ARID1B: variants seen among roughly 807,000 people sequenced by gnomAD.
The protein encoded by ARID1B is AT-rich interactive domain-containing protein 1B.
In ARID1B, 30 loss-of-function variants were observed where a neutral mutation model predicts 212.3. The observed-to-expected ratio is 0.14, with a 90% CI of 0.11 to 0.19. ARID1B has a LOEUF of 0.19. Among genes scored for constraint, ARID1B ranks in the 10% least tolerant of loss-of-function variants. The pLI is 1.00. For synonymous variants in ARID1B, 1,402 were observed against 1,301.7 expected, an observed-to-expected ratio of 1.08 and a Z score of -1.66; for missense variants, 2,891 against 3,204.0, an observed-to-expected ratio of 0.90 and a Z score of 2.36.
At chr6:157,106,792 G>A (rs569665745) in intron 5 of ARID1B, among the ~76,000 whole-genome samples, 2 of 152,300 alleles carry the variant, frequency 1.3e-5, no homozygotes, top group South Asian at 4.1e-4. Context: ...GCCACAGTGA[G>A]TGAAGAGAAA....
At chr6:157,173,916 C>A in intron 9 of ARID1B, 92 bp from the exon 10 acceptor site, 1 of 1,035,820 alleles carries the variant, frequency 9.7e-7, no homozygotes, top group Non-Finnish European at 1.5e-6. Context: ...AATGCAAGGG[C>A]CTCCTGCTTC....
intron 4 of ARID1B, among the ~76,000 whole-genome samples, chr6:157,060,666 T>C (rs1783286752): frequency 6.7e-6 from 1 of 149,736 alleles, no homozygotes; most frequent in Non-Finnish European, 1.5e-5. Flanking sequence ...TACTATTCTT[T>C]CATTGTCTCA....
At chr6:156,796,121 C>G (rs1780356258) in intron 1 of ARID1B, among the ~76,000 whole-genome samples, 1 of 152,166 alleles carries the variant, frequency 6.6e-6, no homozygotes, top group South Asian at 2.1e-4. Context: ...AAGTGGCATA[C>G]CCCTGTAATT....
chr6:156,846,811 G>C (rs1375977215), intron 2 of ARID1B, among the ~76,000 whole-genome samples: 1 of 152,146 alleles, frequency 6.6e-6, no homozygotes, highest in Non-Finnish European at 1.5e-5. Context: ...TGGGGATTGG[G>C]AAGGGGGATC....
chr6:157,105,597 AT>A (rs1410538497), intron 5 of ARID1B, among the ~76,000 whole-genome samples: 1 of 152,038 alleles, frequency 6.6e-6, no homozygotes, highest in Non-Finnish European at 1.5e-5. Flanking sequence ...AAGACTGGTA[AT>A]TTTTTATTTT....
chr6:156,981,521 A>G (rs1777603923), intron 4 of ARID1B, among the ~76,000 whole-genome samples: 1 of 152,238 alleles, frequency 6.6e-6, no homozygotes, highest in African/African-American at 2.4e-5. Context: ...AGAAATGTAC[A>G]TATACATGCA....
At position 157,084,696 on chromosome 6, in the gene ARID1B, G is replaced by A. The variant is rs1784850449; in HGVS notation, c.2282G>A (p.Gly761Glu). The A allele has an allele frequency of 1.2e-6, 2 of 1,613,968 alleles. No homozygotes were observed. Among genetic ancestry groups the A allele is most frequent in the South Asian group, 1.1e-5 (1 of 91,076 alleles). The change falls in exon 5 of 20, where the codon GGA becomes GAA. Residue 761 changes from glycine (G) to glutamate (E), a missense_variant. By Grantham distance (98) the Gly-to-Glu change is moderately conservative. Transcript: ENST00000636930. The part of the protein sequence containing the change: ...LSGSIDDLPT[G>E]TEATLSSAVS... ...GGCTCCATTGATGACCTCCCCACGGGAACGGAAGCAACTTTGAGCTCAGCA... is the reference window on the plus strand; with the variant it reads ...GGCTCCATTGATGACCTCCCCACGGAAACGGAAGCAACTTTGAGCTCAGCA...
intron 1 of ARID1B, among the ~76,000 whole-genome samples, chr6:156,817,525 G>T (rs1051565505): frequency 6.6e-6 from 1 of 151,772 alleles, no homozygotes; most frequent in Admixed American, 6.6e-5. Context: ...AGCTATGTGG[G>T]AGGCTGGGGT....
intron 3 of ARID1B, among the ~76,000 whole-genome samples, chr6:156,921,241 A>G (rs999223885): frequency 6.6e-6 from 1 of 152,130 alleles, no homozygotes; most frequent in African/African-American, 2.4e-5. Flanking sequence ...CCCTCCTTGG[A>G]AAGTTGGAGG....
chr6:157,113,753 G>C (rs1787114648), intron 6 of ARID1B, among the ~76,000 whole-genome samples: 1 of 152,194 alleles, frequency 6.6e-6, no homozygotes, highest in African/African-American at 2.4e-5. Flanking sequence ...CCTTTTGTGT[G>C]TGTGTGTTGG....
rs1472871829 is a variant in ARID1B at position 157,064,044 on chromosome 6, A to G, written c.2248-20618A>G. On this transcript the variant is annotated intron_variant, in intron 4 of 19. Coordinates refer to ENST00000636930, the MANE Select transcript of ARID1B (RefSeq NM_001374828.1). ...GTTAAATAATTGGAAGGTTTGTGGC[A>G]TCCGACTAGGCTAGCCGGAAACCTG... Among the ~76,000 whole-genome samples the G allele has an allele frequency of 2.0e-5, 3 of 152,248 alleles. No homozygotes were observed. In the East Asian group the frequency reaches 5.8e-4, roughly 29 times the overall value.
intron 1 of ARID1B, among the ~76,000 whole-genome samples, chr6:156,801,635 G>A (rs776643938): frequency 6.6e-6 from 1 of 151,912 alleles, no homozygotes; most frequent in Non-Finnish European, 1.5e-5. Context: ...ATCTATCCAG[G>A]TTCTGCCATA....
intron 7 of ARID1B, among the ~76,000 whole-genome samples, chr6:157,144,997 T>C (rs1355577004): frequency 6.6e-6 from 1 of 152,192 alleles, no homozygotes; most frequent in Admixed American, 6.5e-5. Context: ...AAAAAGCTAA[T>C]GGCGTGTGGC....
intron 4 of ARID1B, among the ~76,000 whole-genome samples, chr6:157,002,300 A>G (rs1459741181): frequency 6.6e-6 from 1 of 152,232 alleles, no homozygotes; most frequent in East Asian, 1.9e-4. Context: ...AATTTTGAAA[A>G]GAATTTCTCC....
chr6:157,021,780 C>T (rs918499212), intron 4 of ARID1B, among the ~76,000 whole-genome samples: 33 of 151,952 alleles, frequency 2.2e-4, no homozygotes, highest in Non-Finnish European at 4.0e-4. Context: ...GCTCGCACAG[C>T]GTGTTTTCTA....
chr6:156,997,536 G>A (rs1433890380), intron 4 of ARID1B, among the ~76,000 whole-genome samples: 1 of 152,046 alleles, frequency 6.6e-6, no homozygotes, highest in African/African-American at 2.4e-5. Flanking sequence ...ATTACCAAGA[G>A]GTAAACATGG....
At chr6:156,791,595 A>C (rs1193880748) in intron 1 of ARID1B, among the ~76,000 whole-genome samples, 1 of 152,202 alleles carries the variant, frequency 6.6e-6, no homozygotes, top group Non-Finnish European at 1.5e-5. Flanking sequence ...TTTTTATTCC[A>C]CTGGGAATTT....
At position 156,945,910 on chromosome 6, in the gene ARID1B, G is replaced by T. The variant is rs528895788; in HGVS notation, c.2247+10334G>T. Among the ~76,000 whole-genome samples the T allele has an allele frequency of 4.0e-4, 61 of 152,078 alleles. 1 individual carries two copies. In the South Asian group the frequency reaches 0.012, roughly 30 times the overall value. On this transcript the variant is annotated intron_variant, in intron 4 of 19. Coordinates refer to ENST00000636930, the MANE Select transcript of ARID1B (RefSeq NM_001374828.1). ...GTGGTCTGAACTACTTTGTGAGGCC[G>T]ATGTGGGAGGATGGCTTGAGCCTGA...
intron 4 of ARID1B, among the ~76,000 whole-genome samples, chr6:156,960,162 C>T (rs1794272933): frequency 6.6e-6 from 1 of 151,626 alleles, no homozygotes; most frequent in South Asian, 2.1e-4. Context: ...AACTACTGAC[C>T]TCGTGATCTG....
Sources: allele counts gnomAD v4.1 joint callset (sites outside exome capture counted in the v4.1 genomes callset), GRCh38; gene constraint gnomAD v4.1.1; transcripts MANE v1.5; gene names NCBI Gene and HGNC (gene_info 2026-07-23, HGNC 2026-07-21).